IL1RAPL2: variants seen among roughly 807,000 people sequenced by gnomAD.
IL1RAPL2 encodes interleukin 1 receptor accessory protein like 2, also known as X-linked interleukin-1 receptor accessory protein-like 2.
In IL1RAPL2, 3 loss-of-function variants were observed where a neutral mutation model predicts 44.1. That is an observed-to-expected ratio of 0.07 (90% CI 0.03 to 0.18). IL1RAPL2 has a LOEUF of 0.18. Among genes scored for constraint, IL1RAPL2 ranks in the 10% least tolerant of loss-of-function variants. IL1RAPL2 has a pLI of 1.00. For synonymous variants in IL1RAPL2, 181 were observed against 178.8 expected, an observed-to-expected ratio of 1.01 and a Z score of -0.10; for missense variants, 391 against 496.4, an observed-to-expected ratio of 0.79 and a Z score of 2.02.
intron 2 of IL1RAPL2, among the ~76,000 whole-genome samples, chrX:104,955,093 G>A (rs769503964): frequency 1.8e-5 from 2 of 111,968 alleles, no homozygotes; most frequent in Non-Finnish European, 3.8e-5. Flanking sequence ...CATGGTAATG[G>A]TAAACTGTCA....
chrX:104,627,267 G>C (rs774474810), intron 1 of IL1RAPL2, among the ~76,000 whole-genome samples: 35 of 98,653 alleles, frequency 3.5e-4, no homozygotes, highest in Non-Finnish European at 6.8e-4. Flanking sequence ...CCTTGCGATA[G>C]TTTGCTGAGA....
intron 2 of IL1RAPL2, among the ~76,000 whole-genome samples, chrX:104,997,003 G>A (rs2030760455): frequency 9.0e-6 from 1 of 111,484 alleles, no homozygotes; most frequent in Admixed American, 9.6e-5. Context: ...CACTATCACT[G>A]GAGCATAGTG....
chrX:104,801,739 T>G (rs1932886466), intron 2 of IL1RAPL2, among the ~76,000 whole-genome samples: 1 of 111,709 alleles, frequency 9.0e-6, no homozygotes, highest in African/African-American at 3.3e-5. Flanking sequence ...TTCAGTTTCA[T>G]GTAATTGGTA....
chrX:105,332,526 G>A (rs1487904907), intron 5 of IL1RAPL2, among the ~76,000 whole-genome samples: 1 of 111,492 alleles, frequency 9.0e-6, no homozygotes, highest in Non-Finnish European at 1.9e-5. Context: ...AGAGCAATCA[G>A]ACAAGAGAAA....
intron 2 of IL1RAPL2, among the ~76,000 whole-genome samples, chrX:104,783,706 A>C (rs781532239): frequency 2.8e-5 from 3 of 108,266 alleles, no homozygotes; most frequent in Admixed American, 1.0e-4. Context: ...TGTACAGGTT[A>C]TCTCCACTTT....
intron 2 of IL1RAPL2, among the ~76,000 whole-genome samples, chrX:104,762,929 C>T (rs1390664504): frequency 8.9e-6 from 1 of 112,242 alleles, no homozygotes; most frequent in African/African-American, 3.2e-5. Context: ...CCATGAAGAC[C>T]TCTAACATGC....
chrX:105,052,216 A>C (rs2031937041), intron 2 of IL1RAPL2, among the ~76,000 whole-genome samples: 1 of 111,809 alleles, frequency 8.9e-6, no homozygotes, highest in African/African-American at 3.3e-5. Flanking sequence ...TCCTCTAGCC[A>C]TCATGTCTGC....
intron 2 of IL1RAPL2, among the ~76,000 whole-genome samples, chrX:104,883,389 G>A (rs1236550399): frequency 9.0e-6 from 1 of 111,116 alleles, no homozygotes; most frequent in Admixed American, 9.6e-5. Context: ...CCTGGAACAA[G>A]CTTCTGCTTT....
At chrX:105,641,919 A>G (rs1315977968) in intron 6 of IL1RAPL2, among the ~76,000 whole-genome samples, 1 of 111,839 alleles carries the variant, frequency 8.9e-6, no homozygotes, top group Non-Finnish European at 1.9e-5. Flanking sequence ...CTGTGATCCT[A>G]TAACTGATGT....
intron 2 of IL1RAPL2, among the ~76,000 whole-genome samples, chrX:104,823,017 C>T (rs192712103): frequency 7.2e-5 from 8 of 111,264 alleles, no homozygotes; most frequent in African/African-American, 2.0e-4. Context: ...CTCTTTGTAG[C>T]GATTTTGAAT....
At chrX:105,715,002 T>C (rs2038244610) in intron 6 of IL1RAPL2, among the ~76,000 whole-genome samples, 1 of 112,199 alleles carries the variant, frequency 8.9e-6, no homozygotes, top group Admixed American at 9.5e-5. Flanking sequence ...TCTTAAAATA[T>C]GTCTTACAAC....
chrX:105,525,644 G>A (rs1480730849), intron 6 of IL1RAPL2, among the ~76,000 whole-genome samples: 1 of 111,252 alleles, frequency 9.0e-6, no homozygotes, highest in African/African-American at 3.3e-5. Context: ...TTATATAAAT[G>A]ATTGGCACAG....
intron 2 of IL1RAPL2, among the ~76,000 whole-genome samples, chrX:105,040,952 T>C (rs1458363615): frequency 9.9e-6 from 1 of 100,635 alleles, no homozygotes; most frequent in Non-Finnish European, 2.0e-5. Context: ...GCTTCTCTAG[T>C]TCTTTTAATT....
chrX:104,605,844 A>G (rs951065082), intron 1 of IL1RAPL2, among the ~76,000 whole-genome samples: 1 of 111,875 alleles, frequency 8.9e-6, no homozygotes, highest in African/African-American at 3.3e-5. Flanking sequence ...ACCAACCAAA[A>G]AAAGCCCAGG....
intron 1 of IL1RAPL2, among the ~76,000 whole-genome samples, chrX:104,603,325 A>T (rs774111366): frequency 1.8e-5 from 2 of 111,897 alleles, no homozygotes; most frequent in Non-Finnish European, 3.8e-5. Context: ...CCAAAGGTAG[A>T]TAAATCCACA....
chrX:105,111,193 A>T (rs1016801475), intron 2 of IL1RAPL2, among the ~76,000 whole-genome samples: 4 of 110,571 alleles, frequency 3.6e-5, no homozygotes, highest in Admixed American at 2.9e-4. Flanking sequence ...TGCAGGAATT[A>T]AAAAAAAAGA....
chrX:105,002,359 A>G (rs1205603658), intron 2 of IL1RAPL2, among the ~76,000 whole-genome samples: 1 of 111,191 alleles, frequency 9.0e-6, no homozygotes, highest in East Asian at 2.9e-4. Context: ...TAACATACAT[A>G]TGATGCCTTG....
intron 6 of IL1RAPL2, among the ~76,000 whole-genome samples, chrX:105,510,099 GC>G (rs2036458697): frequency 9.0e-6 from 1 of 111,422 alleles, no homozygotes; most frequent in Non-Finnish European, 1.9e-5. Context: ...GAATGCTTAA[GC>G]CCAGGAGTTT....
intron 2 of IL1RAPL2, among the ~76,000 whole-genome samples, chrX:104,739,987 G>C (rs913112501): frequency 9.0e-6 from 1 of 111,332 alleles, no homozygotes; most frequent in African/African-American, 3.3e-5. Context: ...GAGGAACATT[G>C]TACTATCCTG....
Sources: gnomAD v4.1 joint callset for allele counts (sites outside exome capture counted in the v4.1 genomes callset) on GRCh38, gnomAD v4.1.1 for gene constraint, MANE v1.5 for transcripts, NCBI Gene and HGNC (gene_info 2026-07-23, HGNC 2026-07-21) for gene names.